The following CTNNA3 variants were observed in gnomAD, a reference collection of about 807,000 sequenced individuals.
CTNNA3 encodes the protein catenin alpha 3, also known as catenin alpha-3.
In CTNNA3, 76 loss-of-function variants were observed where a neutral mutation model predicts 95.7. The observed-to-expected ratio is 0.79, with a 90% CI of 0.66 to 0.96. CTNNA3 has a LOEUF of 0.96. Ranked by LOEUF, CTNNA3 falls within the 40% of genes least tolerant of loss-of-function variation. CTNNA3 has a pLI of 0.00. For missense variants in CTNNA3, 1,191 were observed against 1,089.8 expected, an observed-to-expected ratio of 1.09 and a Z score of -1.31; for synonymous variants, 431 against 374.4, an observed-to-expected ratio of 1.15 and a Z score of -1.74.
chr10:66,970,464 T>C (rs944883879), intron 7 of CTNNA3, among the ~76,000 whole-genome samples: 6 of 142,866 alleles, frequency 4.2e-5, no homozygotes, highest in African/African-American at 1.5e-4. Context: ...AGGTAACTGG[T>C]AGCCAGAAAT....
intron 13 of CTNNA3, among the ~76,000 whole-genome samples, chr10:66,158,854 GCCTTTTGACT>G: frequency 6.6e-6 from 1 of 151,676 alleles, no homozygotes; most frequent in Non-Finnish European, 1.5e-5. Context: ...CCTTGTAGAG[GCCTTTTGACT>G]CCTTGGTTAG....
In CTNNA3 at chr10:66,927,875, T is replaced by C. The variant is rs1847160073; in HGVS notation, c.1048-152351A>G. 1 of 1,614,104 alleles carries C rather than the reference T, an allele frequency of 6.2e-7. No homozygotes were observed. Among genetic ancestry groups the C allele is most frequent in the South Asian group, 1.1e-5 (1 of 91,092 alleles). On this transcript the variant is annotated intron_variant, in intron 7 of 17. Transcript: ENST00000433211. The surrounding 1 kb of genome is among the most constrained non-coding windows in gnomAD (Gnocchi z 4.7). ...AATATATGGGAATGCAGCAGAAATA[T>C]TTGCTCCCTTGTAAACTGGCTGAAA...
chr10:66,611,070 C>T (rs962165622), intron 10 of CTNNA3, among the ~76,000 whole-genome samples: 6 of 151,978 alleles, frequency 3.9e-5, no homozygotes, highest in Admixed American at 2.6e-4. Flanking sequence ...ACAAATATTG[C>T]ATGTTCTTAT....
chr10:67,337,203 G>C (rs1432668096), intron 5 of CTNNA3, among the ~76,000 whole-genome samples: 2 of 152,092 alleles, frequency 1.3e-5, no homozygotes, highest in African/African-American at 4.8e-5. Flanking sequence ...CATGGGAGGA[G>C]GTCAAAATCA....
At chr10:66,518,700 T>C (rs1263286585) in intron 11 of CTNNA3, among the ~76,000 whole-genome samples, 2 of 151,946 alleles carry the variant, frequency 1.3e-5, no homozygotes, top group African/African-American at 4.8e-5. Flanking sequence ...AATATGCATA[T>C]ATACATGCAT....
intron 1 of CTNNA3, chr10:67,648,908 G>C: frequency 2.6e-6 from 2 of 761,880 alleles, no homozygotes; most frequent in Non-Finnish European, 3.7e-6. Flanking sequence ...AAATGTTTTA[G>C]TTTGGTTTGG....
At chr10:66,570,612 A>G (rs1439081283) in intron 10 of CTNNA3, among the ~76,000 whole-genome samples, 1 of 151,904 alleles carries the variant, frequency 6.6e-6, no homozygotes, top group African/African-American at 2.4e-5. Context: ...TTTAAAGACC[A>G]AACACATCAG....
intron 11 of CTNNA3, among the ~76,000 whole-genome samples, chr10:66,428,303 G>A (rs1379556244): frequency 6.6e-6 from 1 of 152,078 alleles, no homozygotes; most frequent in African/African-American, 2.4e-5. Flanking sequence ...CAATGATAAT[G>A]GAAGACTTCA....
At chr10:66,261,271 A>G (rs979899605) in intron 13 of CTNNA3, among the ~76,000 whole-genome samples, 4 of 152,146 alleles carry the variant, frequency 2.6e-5, no homozygotes, top group African/African-American at 9.7e-5. Flanking sequence ...TAAATTCAGT[A>G]CATTTAAATT....
At chr10:66,208,937 A>C (rs2087940577) in intron 13 of CTNNA3, among the ~76,000 whole-genome samples, 1 of 152,068 alleles carries the variant, frequency 6.6e-6, no homozygotes, top group Non-Finnish European at 1.5e-5. Context: ...ATCCCACCAA[A>C]ACCATCCTAA....
chr10:66,175,830 T>C (rs1346507531), intron 13 of CTNNA3, among the ~76,000 whole-genome samples: 1 of 152,176 alleles, frequency 6.6e-6, no homozygotes, highest in East Asian at 1.9e-4. Flanking sequence ...AAGTGCCTCA[T>C]AACAAAAGAA....
intron 6 of CTNNA3, among the ~76,000 whole-genome samples, chr10:67,197,861 C>T (rs977425089): frequency 4.6e-5 from 7 of 152,122 alleles, no homozygotes; most frequent in African/African-American, 1.2e-4. Flanking sequence ...TACTTTAGGA[C>T]GTATTAGCCT....
intron 11 of CTNNA3, among the ~76,000 whole-genome samples, chr10:66,496,013 A>G (rs1840087143): frequency 6.6e-6 from 1 of 152,178 alleles, no homozygotes; most frequent in African/African-American, 2.4e-5. Context: ...TGCAGTAATG[A>G]CAACAATCTA....
chr10:67,737,562 T>C (rs1391481348), intron 1 of CTNNA3, among the ~76,000 whole-genome samples: 1 of 152,062 alleles, frequency 6.6e-6, no homozygotes, highest in African/African-American at 2.4e-5. Context: ...TAAAAGTTAG[T>C]TTTTTGGCAA....
chr10:66,219,991 T>C (rs2131976294), intron 13 of CTNNA3, among the ~76,000 whole-genome samples: 1 of 152,020 alleles, frequency 6.6e-6, no homozygotes, highest in Admixed American at 6.6e-5. Context: ...GGCATGGTGG[T>C]GCGCACCTCT....
At chr10:67,321,420 T>G (rs1841314612) in intron 5 of CTNNA3, among the ~76,000 whole-genome samples, 1 of 152,176 alleles carries the variant, frequency 6.6e-6, no homozygotes, top group South Asian at 2.1e-4. Context: ...TCATTCCTAC[T>G]TATGACTTAA....
chr10:66,692,452 T>C (rs1187061116), intron 9 of CTNNA3, among the ~76,000 whole-genome samples: 1 of 152,068 alleles, frequency 6.6e-6, no homozygotes, highest in Admixed American at 6.5e-5. Flanking sequence ...CCAAGAAATA[T>C]GGGACTATGT....
At chr10:66,821,551 G>A (rs1240847805) in intron 7 of CTNNA3, among the ~76,000 whole-genome samples, 2 of 152,108 alleles carry the variant, frequency 1.3e-5, no homozygotes, top group African/African-American at 4.8e-5. Context: ...AAAACCAGCA[G>A]CAACCTAACC....
rs564757152 is a variant in CTNNA3, at chr10:67,149,542, G to A, written c.1047+30775C>T. 6.6e-5 allele frequency among the ~76,000 whole-genome samples: 10 copies of A among 152,060 alleles called. No homozygotes were observed. In the South Asian group the frequency reaches 1.5e-3, roughly 22 times the overall value. ...GGAGCTTGCAGTGAGCCGAGATTGC[G>A]CCACTGCACTCCAGCCTGGGCAACA... On this transcript the variant is annotated intron_variant, in intron 7 of 17. Coordinates refer to ENST00000433211, the MANE Select transcript of CTNNA3 (RefSeq NM_013266.4).
Sources: allele counts gnomAD v4.1 joint callset (sites outside exome capture counted in the v4.1 genomes callset), GRCh38; gene constraint gnomAD v4.1.1; non-coding constraint Gnocchi (gnomAD v3.1); transcripts MANE v1.5; gene names NCBI Gene and HGNC (gene_info 2026-07-23, HGNC 2026-07-21).